The following PIK3R3 variants were observed in gnomAD, a reference collection of about 807,000 sequenced individuals.
The protein encoded by PIK3R3 is phosphoinositide-3-kinase regulatory subunit 3, also known as phosphatidylinositol 3-kinase regulatory subunit gamma.
Under a neutral mutation model 62.9 loss-of-function variants are expected in PIK3R3, and 64 were observed. The observed-to-expected ratio is 1.02, with a 90% CI of 0.83 to 1.25. PIK3R3 has a LOEUF of 1.25. Among genes scored for constraint, PIK3R3 ranks in the 50% most tolerant of loss-of-function variants. The probability of loss-of-function intolerance (pLI) is 0.00; values close to 1 mark genes in which losing one functional copy is unlikely to be tolerated. For missense variants in PIK3R3, 614 were observed against 561.6 expected (o/e 1.09, Z -0.94); for synonymous variants, 165 against 189.0 (o/e 0.87, Z 1.04).
At chr1:46,079,470 C>A (rs762757513) in intron 2 of PIK3R3, among the ~76,000 whole-genome samples, 60 of 152,232 alleles carry the variant, frequency 3.9e-4, no homozygotes, top group Middle Eastern at 6.8e-3. Context: ...CTGGGCTCCA[C>A]CTCAATTGAT....
At position 46,132,066 on chromosome 1, in the gene PIK3R3, G is replaced by A. The variant is rs186212132; in HGVS notation, c.-114C>T. The stretch of plus-strand genomic sequence containing the variant: ...AAAGTTCCACACGGAAATGTACTTC[G>A]GGTTTTCCAACGGCCAGTACCAGTC... On this transcript the variant is annotated 5_prime_UTR_variant, in exon 1 of 10. Transcript: ENST00000262741. The A allele has an allele frequency of 5.1e-5, 75 of 1,474,532 alleles. No homozygotes were observed. Among genetic ancestry groups the A allele is most frequent in the African/African-American group, 1.4e-5 (1 of 70,848 alleles). 91.3% of individuals were successfully genotyped at this position (1,474,532 alleles called of 1,614,324 possible).
intron 3 of PIK3R3, among the ~76,000 whole-genome samples, chr1:46,072,398 T>G (rs1163184234): frequency 2.0e-5 from 3 of 152,256 alleles, no homozygotes; most frequent in Non-Finnish European, 2.9e-5. Context: ...ACTTTCTCTC[T>G]GTCTTTCTCT....
chr1:46,091,519 A>T (rs1651637009), intron 1 of PIK3R3, among the ~76,000 whole-genome samples: 1 of 152,026 alleles, frequency 6.6e-6, no homozygotes. Context: ...GAAAGAGACC[A>T]TTTGTGGCCT....
At chr1:46,056,044 C>T in intron 6 of PIK3R3, 73 bp from the exon 7 acceptor site, 2 of 957,516 alleles carry the variant, frequency 2.1e-6, no homozygotes, top group African/African-American at 1.7e-5. Flanking sequence ...GAGCACGGTC[C>T]TAATATCCTT....
At chr1:46,126,355 T>A (rs940718955) in intron 1 of PIK3R3, among the ~76,000 whole-genome samples, 3 of 150,842 alleles carry the variant, frequency 2.0e-5, no homozygotes, top group Non-Finnish European at 3.0e-5. Flanking sequence ...CTGGCCAACA[T>A]GATAAAACCC....
intron 2 of PIK3R3, among the ~76,000 whole-genome samples, chr1:46,078,687 C>T (rs1015159328): frequency 1.2e-4 from 18 of 152,002 alleles, no homozygotes; most frequent in African/African-American, 4.1e-4. Context: ...TATGTGTGCA[C>T]CAATATTAAT....
chr1:46,162,167 G>A, the PIK3R3 span, among the ~76,000 whole-genome samples: 2 of 151,346 alleles, frequency 1.3e-5, no homozygotes. Context: ...ATACGTCTAA[G>A]GGTAAGAGTT....
chr1:46,171,513 G>A, the PIK3R3 span, among the ~76,000 whole-genome samples: 1 of 152,212 alleles, frequency 6.6e-6, no homozygotes, highest in East Asian at 1.9e-4. Context: ...GAGGCCGGAA[G>A]TGGGGGTGTG....
the PIK3R3 span, among the ~76,000 whole-genome samples, chr1:46,171,344 G>GC: frequency 1.3e-5 from 2 of 152,210 alleles, no homozygotes; most frequent in African/African-American, 4.8e-5. Flanking sequence ...TCCTTGCACT[G>GC]CCCCATGGTC....
chr1:46,162,219 C>T, the PIK3R3 span, among the ~76,000 whole-genome samples: 3 of 151,910 alleles, frequency 2.0e-5, no homozygotes, highest in Non-Finnish European at 4.4e-5. Context: ...TGGGGTGGCT[C>T]ATGCCTGTAA....
the PIK3R3 span, among the ~76,000 whole-genome samples, chr1:46,148,776 G>C: frequency 6.8e-6 from 1 of 147,652 alleles, no homozygotes; most frequent in Middle Eastern, 3.4e-3. Context: ...GAGAGAGAGA[G>C]ACATGAAGAG....
chr1:46,079,363 C>T (rs1650367786), intron 2 of PIK3R3, among the ~76,000 whole-genome samples: 3 of 151,968 alleles, frequency 2.0e-5, no homozygotes, highest in Admixed American at 2.0e-4. Context: ...TACACTTTAC[C>T]CAGAAAACAA....
At chr1:46,140,118 A>C in the PIK3R3 span, among the ~76,000 whole-genome samples, 2 of 152,152 alleles carry the variant, frequency 1.3e-5, no homozygotes, top group Non-Finnish European at 2.9e-5. Flanking sequence ...CCTCCCGAGT[A>C]GCTGGGACCA....
intron 1 of PIK3R3, among the ~76,000 whole-genome samples, chr1:46,121,876 G>A (rs564579247): frequency 1.3e-5 from 2 of 151,918 alleles, no homozygotes; most frequent in African/African-American, 4.8e-5. Context: ...ACTGATATGC[G>A]ACATGCAAAA....
At chr1:46,065,215 C>T (rs918383592) in intron 5 of PIK3R3, among the ~76,000 whole-genome samples, 6 of 152,146 alleles carry the variant, frequency 3.9e-5, no homozygotes, top group Non-Finnish European at 8.8e-5. Context: ...ACACTTTTGA[C>T]AAACTATGTA....
At chr1:46,059,863 G>A (rs907421746) in intron 6 of PIK3R3, among the ~76,000 whole-genome samples, 11 of 152,194 alleles carry the variant, frequency 7.2e-5, no homozygotes, top group Non-Finnish European at 1.5e-4. Context: ...ACTTTGGGAG[G>A]CCAAGGCGGG....
chr1:46,047,448 A>AAAAG (rs58791009), intron 7 of PIK3R3, among the ~76,000 whole-genome samples: 93,665 of 141,270 alleles, frequency 0.66, 31,264 homozygotes, highest in Non-Finnish European at 0.69. Flanking sequence ...AAAAAAAAAA[A>AAAAG]AAAGAAAGAA....
At chr1:46,120,861 A>C (rs1654616850) in intron 1 of PIK3R3, among the ~76,000 whole-genome samples, 1 of 152,200 alleles carries the variant, frequency 6.6e-6, no homozygotes, top group Non-Finnish European at 1.5e-5. Context: ...CTATGACCCA[A>C]TTCTGGCCAA....
At chr1:46,144,991 C>T in the PIK3R3 span, among the ~76,000 whole-genome samples, 1 of 151,540 alleles carries the variant, frequency 6.6e-6, no homozygotes, top group Non-Finnish European at 1.5e-5. Flanking sequence ...GGTGTGATGG[C>T]GCATGCCTGT....
Sources: gnomAD v4.1 joint callset for allele counts (sites outside exome capture counted in the v4.1 genomes callset) on GRCh38, gnomAD v4.1.1 for gene constraint, MANE v1.5 for transcripts, NCBI Gene and HGNC (gene_info 2026-07-23, HGNC 2026-07-21) for gene names.